The following PGS1 variants were observed in gnomAD, a reference collection of about 807,000 sequenced individuals.
PGS1 encodes the protein phosphatidylglycerophosphate synthase 1.
In PGS1, 44 loss-of-function variants were observed where a neutral mutation model predicts 58.3. The ratio of observed to expected loss-of-function variants is 0.75; its 90% CI spans 0.59 to 0.97. The LOEUF is 0.97. Among genes scored for constraint, PGS1 ranks in the 50% least tolerant of loss-of-function variants. The probability of loss-of-function intolerance (pLI) is 0.00; values close to 1 mark genes in which losing one functional copy is unlikely to be tolerated. For synonymous variants in PGS1, 330 were observed against 311.0 expected (o/e 1.06, Z -0.64); for missense variants, 684 against 731.1 (o/e 0.94, Z 0.74).
At chr17:78,423,150 C>T (rs961714568) in intron 9 of PGS1, among the ~76,000 whole-genome samples, 16 of 151,978 alleles carry the variant, frequency 1.1e-4, no homozygotes, top group African/African-American at 3.4e-4. Flanking sequence ...CCCTGGGATC[C>T]GTCTTTTCTG....
Position 78,378,702 on chromosome 17 carries a change from T to C in PGS1, c.37T>C (p.Phe13Leu), listed in dbSNP as rs780488306. 5.9e-6 allele frequency: 9 copies of C among 1,523,500 alleles called. No homozygotes were observed. The highest frequency in any genetic ancestry group is 7.9e-6 in the Non-Finnish European group (9 of 1,142,166). 94.4% of individuals were successfully genotyped at this position (1,523,500 alleles called of 1,614,324 possible). A position where few individuals can be genotyped will look rare whatever the true frequency, so the allele number is the denominator to read the frequency against. The change falls in exon 1 of 10, where the codon TTC (phenylalanine) becomes CTC (leucine). Residue 13 changes from phenylalanine to leucine, a missense_variant. Phe to Leu is a conservative substitution (Grantham distance 22, BLOSUM62 0). Coordinates refer to ENST00000262764, the MANE Select transcript of PGS1 (RefSeq NM_024419.5). The stretch of plus-strand genomic sequence containing the variant: ...GGCGGCAGCTGCGGCGGGACCCGTG[T>C]TCTGGAGGCGACTGCTGGGCCTCCT... ...VAAAAAAGPV[F>L]WRRLLGLLPG... is the part of the protein sequence containing the mutation.
In PGS1 at chr17:78,424,425, C is replaced by T; in HGVS notation, c.*375C>T. 1 of 422,316 alleles carries T rather than the reference C, an allele frequency of 2.4e-6. No homozygotes were observed. The highest frequency in any genetic ancestry group is 4.3e-6 in the Non-Finnish European group (1 of 234,272). 26.2% of individuals were successfully genotyped at this position (422,316 alleles called of 1,614,324 possible). A position where few individuals can be genotyped will look rare whatever the true frequency, so the allele number is the denominator to read the frequency against. On this transcript the variant is annotated 3_prime_UTR_variant, in exon 10 of 10. Coordinates refer to ENST00000262764, the MANE Select transcript of PGS1 (RefSeq NM_024419.5). ...ATCTGTGGCATTTTCAGAGCCTCAT[C>T]TGTCAGCCTTAATGTCAGTGGCAGG...
At chr17:78,418,455 C>A (rs915634105) in intron 8 of PGS1, among the ~76,000 whole-genome samples, 5 of 152,136 alleles carry the variant, frequency 3.3e-5, no homozygotes, top group Non-Finnish European at 4.4e-5. Flanking sequence ...GCTTCCTTTG[C>A]CTGCCGATTT....
chr17:78,381,882 G>T (rs575070251), intron 1 of PGS1, among the ~76,000 whole-genome samples: 21 of 152,232 alleles, frequency 1.4e-4, no homozygotes, highest in African/African-American at 4.8e-4. Context: ...GGAACTGCTG[G>T]ATCCGTTAAT....
At chr17:78,417,510 T>C (rs2085295493) in intron 8 of PGS1, among the ~76,000 whole-genome samples, 2 of 151,830 alleles carry the variant, frequency 1.3e-5, no homozygotes, top group Admixed American at 1.3e-4. Flanking sequence ...CCCCAGCTCT[T>C]GATGGGAAAA....
chr17:78,404,140 T>C (rs55905899), intron 7 of PGS1, 51 bp downstream of exon 7: 172,929 of 1,461,640 alleles, frequency 0.12, 11,377 homozygotes, highest in African/African-American at 0.25. Context: ...GCCACAAACA[T>C]GGGCAGGGGG....
In PGS1 at chr17:78,424,210, TGGCAGGAAGGGTGGGGTC is replaced by T. The variant is rs929101711; in HGVS notation, c.*161_*178del. On this transcript the variant is annotated 3_prime_UTR_variant, in exon 10 of 10. Coordinates refer to ENST00000262764, the MANE Select transcript of PGS1 (RefSeq NM_024419.5). Reference sequence around the variant, plus strand: ...TGCTGCCAGTAAGTGAGGGAGGGGCTGGCAGGAAGGGTGGGGTCCTCACACTCCCCGCCCTCTGCAGAG... The same window carrying T: ...TGCTGCCAGTAAGTGAGGGAGGGGCTCTCACACTCCCCGCCCTCTGCAGAG... The T allele has an allele frequency of 6.6e-5, 103 of 1,554,562 alleles. No individual in the cohort carries two copies. Among genetic ancestry groups the T allele is most frequent in the Non-Finnish European group, 3.9e-5 (45 of 1,153,034 alleles).
At position 78,424,607 on chromosome 17, in the gene PGS1, G is replaced by A. The variant is rs1046331088; in HGVS notation, c.*557G>A. ...ATTATTTCTACTCGCCCTATTTAATGGTGTTTTTATTTCCTGTCTGAAATC... is the reference window on the plus strand; with the variant it reads ...ATTATTTCTACTCGCCCTATTTAATAGTGTTTTTATTTCCTGTCTGAAATC... On this transcript the variant is annotated 3_prime_UTR_variant, in exon 10 of 10. Coordinates refer to ENST00000262764, the MANE Select transcript of PGS1 (RefSeq NM_024419.5). The A allele has an allele frequency of 6.4e-6, 1 of 155,950 alleles. No individual in the cohort carries two copies. The highest frequency in any genetic ancestry group is 2.4e-5 in the African/African-American group (1 of 41,534). The allele number at this position is 155,950 out of a possible 1,614,324, so 9.7% of individuals were successfully genotyped here. A position where few individuals can be genotyped will look rare whatever the true frequency, so the allele number is the denominator to read the frequency against.
intron 1 of PGS1, chr17:78,380,836 TTTTC>T (rs1320916776): frequency 6.6e-6 from 1 of 151,916 alleles, no homozygotes; most frequent in Non-Finnish European, 1.5e-5. Flanking sequence ...AGTGTGCTTT[TTTTC>T]TTTTTCTTTT....
chr17:78,399,482 A>G lies in PGS1; in HGVS notation c.646A>G (p.Ile216Val). Residue 216 changes from isoleucine to valine, a missense_variant, in exon 5 of 10, where the codon ATC becomes GTC. By Grantham distance (29) the Ile-to-Val change is conservative (BLOSUM62 3). Coordinates refer to ENST00000262764, the MANE Select transcript of PGS1 (RefSeq NM_024419.5). ...LLIPERFNET[I>V]GLQHIKVYLF... ...CATCCCTGAGCGCTTCAACGAGACC[A>G]TCGGCCTCCAGCACATTAAGGTGTA... 8 of 1,614,196 alleles carry G rather than the reference A, an allele frequency of 5.0e-6. No individual in the cohort carries two copies. The highest frequency in any genetic ancestry group is 1.1e-5 in the South Asian group (1 of 91,086).
intron 9 of PGS1, chr17:78,423,635 T>G (rs2086176586): frequency 2.3e-6 from 1 of 433,432 alleles, no homozygotes; most frequent in Non-Finnish European, 4.2e-6. Context: ...AATTGGGGCC[T>G]TTCCCCAAAG....
intron 2 of PGS1, among the ~76,000 whole-genome samples, chr17:78,393,620 A>G (rs886807028): frequency 3.3e-5 from 5 of 152,174 alleles, no homozygotes; most frequent in Admixed American, 6.5e-5. Flanking sequence ...GATATGCATG[A>G]AGAGGCCTTT....
At position 78,414,870 on chromosome 17, in the gene PGS1, T is replaced by TC. The variant is rs748488146; in HGVS notation, c.1403-5dup. 6.2e-7 allele frequency: 1 copy of TC among 1,613,704 alleles called. No homozygotes were observed. Among genetic ancestry groups the TC allele is most frequent in the Non-Finnish European group, 8.5e-7 (1 of 1,179,698 alleles). The stretch of plus-strand genomic sequence containing the variant: ...CATTTCCTGTCTGCACGTTTCCTTT[T>TC]CCCCGCAGGCCTCTGGCTGTACCTG... On this transcript the variant is annotated splice_polypyrimidine_tract_variant and intron_variant, in intron 7 of 9. Coordinates refer to ENST00000262764, the MANE Select transcript of PGS1 (RefSeq NM_024419.5).
In PGS1 at chr17:78,416,939, T is replaced by G. The variant is rs180883121; in HGVS notation, c.1551+1912T>G. On this transcript the variant is annotated intron_variant, in intron 8 of 9. Coordinates refer to ENST00000262764, the MANE Select transcript of PGS1 (RefSeq NM_024419.5). ...CCCAGCCACCGTGGGCTCCCTGCTC[T>G]CTGAAGCTGTCTCTGGAGATCTGCT... Among the ~76,000 whole-genome samples, 751 of 152,254 alleles carry G rather than the reference T, an allele frequency of 4.9e-3. 4 individuals are homozygous for G. The highest frequency in any genetic ancestry group is 0.011 in the Admixed American group (167 of 15,296).
intron 7 of PGS1, 146 bp downstream of exon 7, chr17:78,404,235 G>A: frequency 1.2e-6 from 1 of 830,504 alleles, no homozygotes; most frequent in Non-Finnish European, 1.8e-6. Context: ...CATCATAGCT[G>A]TCCCATGACT....
intron 1 of PGS1, among the ~76,000 whole-genome samples, chr17:78,389,409 A>G (rs1166228904): frequency 6.6e-6 from 1 of 151,644 alleles, no homozygotes; most frequent in African/African-American, 2.4e-5. Context: ...CTGTTCTCGA[A>G]CTGCTAACCT....
intron 1 of PGS1, chr17:78,382,678 T>A (rs1459006994): frequency 7.4e-6 from 1 of 135,426 alleles, no homozygotes; most frequent in East Asian, 2.5e-4. Flanking sequence ...AGTCCCACTC[T>A]GTCGCCCAGG....
chr17:78,399,291 G>T, intron 4 of PGS1, 57 bp from the exon 5 acceptor site: 1 of 1,407,254 alleles, frequency 7.1e-7, no homozygotes, highest in Non-Finnish European at 1.0e-6. Flanking sequence ...GCTCCTCATT[G>T]GGGGCAGGAC....
intron 1 of PGS1, among the ~76,000 whole-genome samples, chr17:78,384,243 C>T (rs566980718): frequency 5.3e-5 from 8 of 152,248 alleles, no homozygotes; most frequent in South Asian, 4.1e-4. Context: ...TTCAGCAGGC[C>T]GTTGGTCTTT....
Sources: allele counts gnomAD v4.1 joint callset (sites outside exome capture counted in the v4.1 genomes callset), GRCh38; gene constraint gnomAD v4.1.1; transcripts MANE v1.5; gene names NCBI Gene and HGNC (gene_info 2026-07-23, HGNC 2026-07-21).